The following PCSK5 variants were observed in gnomAD, a reference collection of about 807,000 sequenced individuals.
The protein encoded by PCSK5 is proprotein convertase subtilisin/kexin type 5.
In PCSK5, 129 loss-of-function variants were observed where a neutral mutation model predicts 233.2. That is an observed-to-expected ratio of 0.55 (90% CI 0.48 to 0.64). The LOEUF (loss-of-function observed/expected upper bound fraction) is 0.64. PCSK5 is among the 30% of genes least tolerant of loss of function. The pLI is 0.00. For missense variants in PCSK5, 2,076 were observed against 2,430.1 expected (o/e 0.85, Z 3.06); for synonymous variants, 825 against 879.2 (o/e 0.94, Z 1.09).
intron 7 of PCSK5, among the ~76,000 whole-genome samples, chr9:76,093,852 G>T (rs1831400084): frequency 6.6e-6 from 1 of 152,104 alleles, no homozygotes; most frequent in Non-Finnish European, 1.5e-5. Flanking sequence ...GTCTAGACAG[G>T]AGTCCATCAC....
intron 2 of PCSK5, among the ~76,000 whole-genome samples, chr9:75,949,149 G>C (rs750287756): frequency 6.7e-6 from 1 of 150,258 alleles, no homozygotes; most frequent in Non-Finnish European, 1.5e-5. Flanking sequence ...TATGTCAAGG[G>C]ACATACCTAT....
chr9:75,974,668 A>G (rs1006677409), intron 2 of PCSK5, among the ~76,000 whole-genome samples: 7 of 152,132 alleles, frequency 4.6e-5, no homozygotes, highest in African/African-American at 1.7e-4. Context: ...AGGAAAATAT[A>G]ATGAAAACAC....
intron 6 of PCSK5, among the ~76,000 whole-genome samples, chr9:76,070,290 G>A (rs1276340758): frequency 2.6e-5 from 4 of 152,070 alleles, no homozygotes; most frequent in East Asian, 1.9e-4. Flanking sequence ...GTGAGCCACC[G>A]CACCCGTCCC....
In PCSK5 at chr9:76,338,269, C is replaced by T. The variant is rs373227349; in HGVS notation, c.4788C>T (p.Cys1596=). Residue 1596 remains cysteine (C), a synonymous_variant, in exon 35 of 38, where the codon TGC becomes TGT. Transcript: ENST00000674117. ...ACTCCACTGGCCGGTGTGAGAGGTG[C>T]AACAGGAGCTGCAAGGGGTGCCAGG... ...ADNSTGRCER[C]NRSCKGCQGP... 37 of 1,612,432 alleles carry T rather than the reference C, an allele frequency of 2.3e-5. No individual in the cohort carries two copies. Among genetic ancestry groups the T allele is most frequent in the Non-Finnish European group, 3.1e-5 (36 of 1,179,716 alleles).
chr9:76,345,268 T>C (rs1195406712), intron 35 of PCSK5, among the ~76,000 whole-genome samples: 2 of 151,848 alleles, frequency 1.3e-5, no homozygotes. Flanking sequence ...GCTAAAGTTC[T>C]GTCACCCAGG....
chr9:75,930,371 A>G lies in PCSK5; in HGVS notation c.193-2008A>G, dbSNP rs559284948. On this transcript the variant is annotated intron_variant, in intron 1 of 37. Coordinates refer to ENST00000674117, the MANE Select transcript of PCSK5 (RefSeq NM_001372043.1). ...AGTGTGATTTGAGGTGAGGCCAGAG[A>G]GAGGCTGGGCCAGACCACACAGGCC... Among the ~76,000 whole-genome samples, 18 of 152,306 alleles carry G rather than the reference A, an allele frequency of 1.2e-4. No homozygotes were observed. In the South Asian group the frequency reaches 3.7e-3, roughly 32 times the overall value.
intron 9 of PCSK5, among the ~76,000 whole-genome samples, chr9:76,112,910 T>C (rs888034165): frequency 2.0e-5 from 3 of 152,144 alleles, no homozygotes; most frequent in African/African-American, 7.2e-5. Flanking sequence ...ATTGGTTCCA[T>C]AGAAATTTGT....
At chr9:75,978,936 A>C (rs62555952) in intron 2 of PCSK5, among the ~76,000 whole-genome samples, 38,647 of 147,166 alleles carry the variant, frequency 0.26, 6,180 homozygotes, top group Non-Finnish European at 0.37. Context: ...GCAATGGCAC[A>C]ATCTTGGCTC....
Position 76,351,518 on chromosome 9 carries a change from A to AAGAAAG in PCSK5, c.5067+592_5067+597dup, listed in dbSNP as rs1554724816. Among the ~76,000 whole-genome samples the AAGAAAG allele has an allele frequency of 1.8e-4, 22 of 123,662 alleles. 6 individuals carry two copies. The highest frequency in any genetic ancestry group is 3.6e-3 in the Middle Eastern group (1 of 278). The allele number at this position is 123,662 out of a possible 152,430, so 81.1% of individuals were successfully genotyped here. On this transcript the variant is annotated intron_variant, in intron 36 of 37. Coordinates refer to ENST00000674117, the MANE Select transcript of PCSK5 (RefSeq NM_001372043.1). ...AAAGAAAGAAAGAAAGAAAGAAAGAAAGAAAGAAAGAAAGGAAGGAAAGAA... is the reference window on the plus strand; with the variant it reads ...AAAGAAAGAAAGAAAGAAAGAAAGAAAGAAAGAGAAAGAAAGAAAGGAAGGAAAGAA...
chr9:76,346,734 T>C (rs1318120883), intron 35 of PCSK5, among the ~76,000 whole-genome samples: 2 of 152,126 alleles, frequency 1.3e-5, no homozygotes, highest in East Asian at 1.9e-4. Flanking sequence ...TCTCACGGGA[T>C]ATAAACTAGG....
At chr9:76,206,634 G>T (rs907617599) in intron 20 of PCSK5, among the ~76,000 whole-genome samples, 1 of 152,176 alleles carries the variant, frequency 6.6e-6, no homozygotes, top group East Asian at 1.9e-4. Flanking sequence ...CTCACAGAGC[G>T]CAAACAAGGC....
At chr9:75,961,317 C>T (rs747708566) in intron 2 of PCSK5, among the ~76,000 whole-genome samples, 3 of 152,164 alleles carry the variant, frequency 2.0e-5, no homozygotes, top group Non-Finnish European at 2.9e-5. Context: ...AAATTTAAGG[C>T]CTTTCAGTCA....
intron 2 of PCSK5, among the ~76,000 whole-genome samples, chr9:75,977,027 C>T (rs571023697): frequency 2.0e-5 from 3 of 152,256 alleles, no homozygotes; most frequent in East Asian, 3.9e-4. Context: ...TGGGAGAATG[C>T]ATCACTTAAC....
chr9:75,904,474 A>C (rs1483343890), intron 1 of PCSK5, among the ~76,000 whole-genome samples: 1 of 152,202 alleles, frequency 6.6e-6, no homozygotes, highest in African/African-American at 2.4e-5. Context: ...AATGGGCACA[A>C]AATATCTGAG....
At chr9:75,957,202 G>C (rs145385851) in intron 2 of PCSK5, among the ~76,000 whole-genome samples, 52 of 152,198 alleles carry the variant, frequency 3.4e-4, no homozygotes, top group Non-Finnish European at 7.4e-4. Context: ...TTTCAGTATT[G>C]CGTCTTTTTG....
chr9:76,134,597 T>A (rs1388139644), intron 10 of PCSK5, among the ~76,000 whole-genome samples: 2 of 152,198 alleles, frequency 1.3e-5, no homozygotes, highest in East Asian at 3.9e-4. Context: ...TGATATATAT[T>A]GTTCACTTTA....
intron 1 of PCSK5, among the ~76,000 whole-genome samples, chr9:75,893,703 A>G (rs1825701939): frequency 6.6e-6 from 1 of 152,198 alleles, no homozygotes; most frequent in Admixed American, 6.5e-5. Context: ...ATGGCTTCTC[A>G]TTAAAAATAA....
chr9:76,161,270 C>T (rs927055499), intron 12 of PCSK5, among the ~76,000 whole-genome samples: 7 of 152,146 alleles, frequency 4.6e-5, no homozygotes, highest in Admixed American at 1.3e-4. Context: ...GGCACTTCCT[C>T]ATGTCCTCCT....
intron 5 of PCSK5, among the ~76,000 whole-genome samples, chr9:76,062,674 T>C (rs926653048): frequency 6.6e-5 from 10 of 152,232 alleles, no homozygotes; most frequent in Non-Finnish European, 1.2e-4. Flanking sequence ...TTTTTATTGA[T>C]ACATAATAAT....
Sources: allele counts gnomAD v4.1 joint callset (sites outside exome capture counted in the v4.1 genomes callset), GRCh38; gene constraint gnomAD v4.1.1; transcripts MANE v1.5; gene names NCBI Gene and HGNC (gene_info 2026-07-23, HGNC 2026-07-21).